Variants in MARCHF4 observed in about 807,000 individuals in gnomAD.
MARCHF4 encodes the protein membrane associated ring-CH-type finger 4, also known as E3 ubiquitin-protein ligase MARCHF4.
Under a neutral mutation model 43.9 loss-of-function variants are expected in MARCHF4, and 14 were observed. The ratio of observed to expected loss-of-function variants is 0.32; its 90% confidence interval spans 0.21 to 0.50. The LOEUF (loss-of-function observed/expected upper bound fraction) is 0.50. Among genes scored for constraint, MARCHF4 ranks in the 20% least tolerant of loss-of-function variants. The pLI is 0.98. For missense variants in MARCHF4, 468 were observed against 536.7 expected (o/e 0.87, Z 1.27); for synonymous variants, 226 against 213.3 (o/e 1.06, Z -0.52).
chr2:216,352,883 A>G (rs975197727), intron 1 of MARCHF4, among the ~76,000 whole-genome samples: 10 of 152,202 alleles, frequency 6.6e-5, no homozygotes, highest in Admixed American at 2.0e-4. Context: ...AGAAGACAGG[A>G]GCTGTGTTCC....
intron 1 of MARCHF4, among the ~76,000 whole-genome samples, chr2:216,333,757 G>A (rs1439529131): frequency 6.6e-6 from 1 of 152,088 alleles, no homozygotes; most frequent in African/African-American, 2.4e-5. Flanking sequence ...GCGTGACGAG[G>A]GCTTCTATCC....
intron 2 of MARCHF4, among the ~76,000 whole-genome samples, chr2:216,280,159 A>T (rs1176201764): frequency 6.6e-6 from 1 of 151,934 alleles, no homozygotes; most frequent in Non-Finnish European, 1.5e-5. Context: ...CTCCACAGAG[A>T]TGAGGGAGAA....
At chr2:216,282,417 A>G (rs907212526) in intron 2 of MARCHF4, among the ~76,000 whole-genome samples, 57 of 151,768 alleles carry the variant, frequency 3.8e-4, no homozygotes, top group Non-Finnish European at 5.9e-5. Flanking sequence ...CAAAGACCCC[A>G]CCGCCACCAT....
chr2:216,315,326 G>T (rs1691757022), intron 1 of MARCHF4, among the ~76,000 whole-genome samples: 1 of 152,184 alleles, frequency 6.6e-6, no homozygotes, highest in African/African-American at 2.4e-5. Flanking sequence ...CTGCTAGTCG[G>T]TGGGAATGTG....
chr2:216,276,945 A>G (rs1305241779), intron 3 of MARCHF4, among the ~76,000 whole-genome samples: 1 of 152,236 alleles, frequency 6.6e-6, no homozygotes, highest in African/African-American at 2.4e-5. Context: ...TCAGAGAAGG[A>G]GCAGGATCTA....
intron 1 of MARCHF4, among the ~76,000 whole-genome samples, chr2:216,335,708 C>T (rs1692146336): frequency 6.6e-6 from 1 of 151,152 alleles, no homozygotes. Flanking sequence ...ATGAGCAGTA[C>T]AATGAGTGCC....
intron 1 of MARCHF4, among the ~76,000 whole-genome samples, chr2:216,344,585 C>T (rs1032046557): frequency 6.6e-6 from 1 of 152,090 alleles, no homozygotes; most frequent in African/African-American, 2.4e-5. Context: ...TCAAGGAGGG[C>T]AGGGCTTCTA....
intron 1 of MARCHF4, among the ~76,000 whole-genome samples, chr2:216,334,485 C>A (rs766050179): frequency 6.6e-6 from 1 of 152,094 alleles, no homozygotes; most frequent in Non-Finnish European, 1.5e-5. Flanking sequence ...ACTGTAGCCT[C>A]CAACTCCTGA....
chr2:216,299,501 C>T (rs562739596), intron 1 of MARCHF4, among the ~76,000 whole-genome samples: 27 of 152,338 alleles, frequency 1.8e-4, no homozygotes, highest in African/African-American at 6.5e-4. Context: ...ACCCCACACT[C>T]TTCCCCAATA....
chr2:216,291,370 C>T (rs113650808), intron 1 of MARCHF4, among the ~76,000 whole-genome samples: 509 of 152,210 alleles, frequency 3.3e-3, no homozygotes, highest in African/African-American at 0.012. Context: ...AAAAGGCATA[C>T]GCTGAGAGTG....
intron 1 of MARCHF4, among the ~76,000 whole-genome samples, chr2:216,304,021 T>C (rs546951162): frequency 1.0e-3 from 154 of 152,174 alleles, no homozygotes; most frequent in African/African-American, 3.6e-3. Context: ...AACAGGGAAC[T>C]TGGAAAGAGA....
chr2:216,345,442 A>C (rs1692304877), intron 1 of MARCHF4, among the ~76,000 whole-genome samples: 1 of 151,962 alleles, frequency 6.6e-6, no homozygotes, highest in Non-Finnish European at 1.5e-5. Context: ...TCTTGACAGC[A>C]CAGCCTAGCC....
intron 1 of MARCHF4, among the ~76,000 whole-genome samples, chr2:216,349,747 T>G (rs1692370836): frequency 6.6e-6 from 1 of 152,102 alleles, no homozygotes; most frequent in East Asian, 1.9e-4. Context: ...CCAGAGTATC[T>G]GGTGGGAGGT....
intron 1 of MARCHF4, among the ~76,000 whole-genome samples, chr2:216,362,596 G>T (rs1036230252): frequency 1.9e-4 from 29 of 152,300 alleles, no homozygotes; most frequent in African/African-American, 6.0e-4. Flanking sequence ...CTGGGTTCAG[G>T]ACTGGGGCCC....
chr2:216,273,276 G>A (rs979824173), intron 3 of MARCHF4, among the ~76,000 whole-genome samples: 12 of 152,142 alleles, frequency 7.9e-5, no homozygotes, highest in African/African-American at 2.9e-4. Context: ...ACTATCTGTG[G>A]CCATTTAACA....
chr2:216,321,842 G>C (rs981566477), intron 1 of MARCHF4: 1 of 152,204 alleles, frequency 6.6e-6, no homozygotes, highest in Non-Finnish European at 1.5e-5. Flanking sequence ...CTCAGAAAAA[G>C]AAGCCCATTC....
intron 3 of MARCHF4, chr2:216,259,904 C>G: frequency 1.8e-6 from 1 of 551,640 alleles, no homozygotes; most frequent in Admixed American, 3.0e-5. Context: ...TCAGGCAGTG[C>G]CTTCGCCCAC....
chr2:216,270,941 C>T (rs1378315010), intron 3 of MARCHF4, among the ~76,000 whole-genome samples: 1 of 152,208 alleles, frequency 6.6e-6, no homozygotes, highest in Non-Finnish European at 1.5e-5. Context: ...CCAGCGAAGT[C>T]CTTCCCTTCC....
intron 1 of MARCHF4, among the ~76,000 whole-genome samples, chr2:216,304,782 C>T (rs1691554697): frequency 6.6e-6 from 1 of 151,948 alleles, no homozygotes. Flanking sequence ...GGAGAAACCC[C>T]ATCTCTACTG....
Sources: gnomAD v4.1 joint callset for allele counts (sites outside exome capture counted in the v4.1 genomes callset) on GRCh38, gnomAD v4.1.1 for gene constraint, MANE v1.5 for transcripts, NCBI Gene and HGNC (gene_info 2026-07-23, HGNC 2026-07-21) for gene names.